The following ELAVL2 variants were observed in gnomAD, a reference collection of about 807,000 sequenced individuals.
The protein encoded by ELAVL2 is ELAV like RNA binding protein 2.
ELAVL2 carries 4 observed loss-of-function variants against 34.6 expected under a neutral mutation model. That is an observed-to-expected ratio of 0.12 (90% CI 0.06 to 0.26). The LOEUF (loss-of-function observed/expected upper bound fraction) is 0.26, where lower values mean the gene tolerates loss of function less well. ELAVL2 is among the 10% of genes least tolerant of loss of function. The probability of loss-of-function intolerance (pLI) is 1.00; values close to 1 mark genes in which losing one functional copy is unlikely to be tolerated. For missense variants in ELAVL2, 432 were observed against 442.8 expected, an observed-to-expected ratio of 0.98 and a Z score of 0.22; for synonymous variants, 193 against 154.8, an observed-to-expected ratio of 1.25 and a Z score of -1.83.
At chr9:23,711,396 A>G (rs1221189885) in intron 3 of ELAVL2, among the ~76,000 whole-genome samples, 1 of 152,074 alleles carries the variant, frequency 6.6e-6, no homozygotes. Flanking sequence ...TGTCATCCTC[A>G]ACTTAAATTA....
chr9:23,766,588 G>A (rs1375510346), intron 1 of ELAVL2, among the ~76,000 whole-genome samples: 3 of 152,066 alleles, frequency 2.0e-5, no homozygotes, highest in Admixed American at 6.6e-5. Context: ...GCCCCAGGGA[G>A]GTGAACAATC....
intron 1 of ELAVL2, among the ~76,000 whole-genome samples, chr9:23,776,630 T>C (rs1350395320): frequency 6.6e-6 from 1 of 151,554 alleles, no homozygotes; most frequent in Non-Finnish European, 1.5e-5. Context: ...AACACACCTG[T>C]GTCCTAAGAA....
chr9:23,841,140 T>G, the ELAVL2 span, among the ~76,000 whole-genome samples: 1 of 152,058 alleles, frequency 6.6e-6, no homozygotes, highest in African/African-American at 2.4e-5. Flanking sequence ...TCCTAGTAGA[T>G]CTGGGGTATT....
At chr9:23,694,471 G>A (rs1314592622) in intron 5 of ELAVL2, among the ~76,000 whole-genome samples, 2 of 151,986 alleles carry the variant, frequency 1.3e-5, no homozygotes, top group South Asian at 2.1e-4. Context: ...TTAATACATA[G>A]TCCACAACCA....
At chr9:23,700,375 T>C (rs2036760383) in intron 5 of ELAVL2, among the ~76,000 whole-genome samples, 1 of 152,218 alleles carries the variant, frequency 6.6e-6, no homozygotes, top group East Asian at 1.9e-4. Flanking sequence ...AAGTCACTGT[T>C]CTTCTCACAT....
chr9:23,717,178 T>G (rs756506463), intron 3 of ELAVL2, among the ~76,000 whole-genome samples: 4 of 152,228 alleles, frequency 2.6e-5, no homozygotes, highest in Non-Finnish European at 5.9e-5. Flanking sequence ...CAAGTCTTCT[T>G]TGACCTACTT....
chr9:23,763,196 C>A (rs2055442485), intron 1 of ELAVL2, among the ~76,000 whole-genome samples: 1 of 152,102 alleles, frequency 6.6e-6, no homozygotes, highest in Non-Finnish European at 1.5e-5. Context: ...AATAGGGTAT[C>A]TATAAACTCC....
chr9:23,844,209 T>G, the ELAVL2 span, among the ~76,000 whole-genome samples: 1 of 152,012 alleles, frequency 6.6e-6, no homozygotes, highest in Non-Finnish European at 1.5e-5. Flanking sequence ...TGATACCAAT[T>G]ATCTCACTAC....
upstream of ELAVL2, chr9:23,826,269 T>A (rs2065289444): frequency 6.6e-6 from 1 of 152,472 alleles, no homozygotes; most frequent in Middle Eastern, 3.4e-3. Context: ...ACCACAGATT[T>A]ATAGCACCGT....
chr9:23,831,466 C>G, the ELAVL2 span: 1 of 152,278 alleles, frequency 6.6e-6, no homozygotes, highest in African/African-American at 2.4e-5. Context: ...GCCACGGTGA[C>G]AAAGGCGGAG....
chr9:23,847,522 A>T, the ELAVL2 span: 2 of 152,154 alleles, frequency 1.3e-5, no homozygotes, highest in Non-Finnish European at 2.9e-5. Context: ...TGTAAAACTT[A>T]TTCTAATAAA....
chr9:23,831,801 T>C, the ELAVL2 span, among the ~76,000 whole-genome samples: 1 of 141,138 alleles, frequency 7.1e-6, no homozygotes, highest in Non-Finnish European at 1.6e-5. Context: ...GGAATATTGT[T>C]TAAAAAAAAA....
At chr9:23,830,913 C>CA (rs2065480633), upstream of ELAVL2, among the ~76,000 whole-genome samples, 1 of 151,990 alleles carries the variant, frequency 6.6e-6, no homozygotes, top group East Asian at 1.9e-4. Flanking sequence ...AAAAAAACCC[C>CA]AAAAAACCCG....
intron 3 of ELAVL2, among the ~76,000 whole-genome samples, chr9:23,722,417 G>A (rs1210171737): frequency 6.6e-6 from 1 of 152,182 alleles, no homozygotes; most frequent in African/African-American, 2.4e-5. Context: ...ATGACCTCCA[G>A]ATCCAGTTTT....
chr9:23,697,072 C>T (rs2035526078), intron 5 of ELAVL2, among the ~76,000 whole-genome samples: 1 of 152,056 alleles, frequency 6.6e-6, no homozygotes, highest in African/African-American at 2.4e-5. Flanking sequence ...CGGCGAGTGG[C>T]ACTCTCTCCT....
Position 23,701,438 on chromosome 9 carries a change from C to G in ELAVL2, c.654G>C (p.Leu218=). 6.2e-7 allele frequency: 1 copy of G among 1,614,092 alleles called. No homozygotes were observed. Among genetic ancestry groups the G allele is most frequent in the Non-Finnish European group, 8.5e-7 (1 of 1,179,994 alleles). Residue 218 remains leucine (L), a synonymous_variant, in exon 5 of 7, where the codon CTG becomes CTC. Transcript: ENST00000397312. ...QKTNQAILSQ[L]YQSPNRRYPG... ...GATACCTTCTGTTTGGAGACTGGTA[C>G]AGCTGGGAAAGGATGGCCTGATTGG...
At position 23,701,517 on chromosome 9, in the gene ELAVL2, G is replaced by T; in HGVS notation, c.575C>A (p.Pro192His). The change falls in exon 5 of 7, where the codon CCC becomes CAC. Residue 192 changes from proline (P) to histidine (H), a missense_variant. Pro to His is a moderately conservative substitution (Grantham distance 77). Around this residue, in one of 3 missense-constraint regions of ELAVL2, gnomAD observed 295 missense variants for 306.1 expected, o/e 0.96. Coordinates refer to ENST00000397312, the MANE Select transcript of ELAVL2 (RefSeq NM_004432.5). ...AIKGLNGQKP[P>H]GATEPITVKF... ...TACAGTGATTGGCTCCGTGGCACCG[G>T]GAGGTTTCTGGCCATTTAGGCCTTT... 1 of 1,614,098 alleles carries T rather than the reference G, an allele frequency of 6.2e-7. No homozygotes were observed. The highest frequency in any genetic ancestry group is 8.5e-7 in the Non-Finnish European group (1 of 1,180,000).
chr9:23,781,139 A>G (rs1195458368), intron 1 of ELAVL2, among the ~76,000 whole-genome samples: 1 of 152,234 alleles, frequency 6.6e-6, no homozygotes, highest in East Asian at 1.9e-4. Flanking sequence ...ATTAAAAGAA[A>G]TAAGTTATAA....
intron 1 of ELAVL2, among the ~76,000 whole-genome samples, chr9:23,800,889 C>A (rs1488397290): frequency 6.6e-6 from 1 of 152,068 alleles, no homozygotes; most frequent in Non-Finnish European, 1.5e-5. Context: ...TCACATTAAA[C>A]AGAAGCCACA....
Sources: gnomAD v4.1 joint callset for allele counts (sites outside exome capture counted in the v4.1 genomes callset) on GRCh38, gnomAD v4.1.1 for gene constraint, gnomAD v4.1.1 regional missense constraint, MANE v1.5 for transcripts, NCBI Gene and HGNC (gene_info 2026-07-23, HGNC 2026-07-21) for gene names.